FAM120C: variants seen among roughly 807,000 people sequenced by gnomAD.
The protein encoded by FAM120C is family with sequence similarity 120 member C.
A neutral mutation model predicts 71.2 loss-of-function variants in FAM120C; 14 were observed. The ratio of observed to expected loss-of-function variants is 0.20; its 90% CI spans 0.13 to 0.31. The LOEUF is 0.31. Among genes scored for constraint, FAM120C ranks in the 10% least tolerant of loss-of-function variants. The probability of loss-of-function intolerance (pLI) is 1.00; values close to 1 mark genes in which losing one functional copy is unlikely to be tolerated. For missense variants in FAM120C, 500 were observed against 879.0 expected (o/e 0.57, Z 5.45); for synonymous variants, 354 against 353.2 (o/e 1.00, Z -0.03).
At chrX:54,093,568 T>C (rs2066834460) in intron 10 of FAM120C, among the ~76,000 whole-genome samples, 1 of 111,804 alleles carries the variant, frequency 8.9e-6, no homozygotes, top group Non-Finnish European at 1.9e-5. Context: ...TAATAGATGT[T>C]TGCTGAACAA....
intron 4 of FAM120C, chrX:54,147,270 T>C (rs1216936411): frequency 1.8e-5 from 2 of 110,729 alleles, no homozygotes; most frequent in Admixed American, 9.8e-5. Flanking sequence ...TGAGCTAAGA[T>C]AGTGTCACTG....
intron 3 of FAM120C, 103 bp from the exon 4 acceptor site, chrX:54,151,476 C>G: frequency 1.1e-6 from 1 of 889,270 alleles, no homozygotes. Context: ...GGTAAATCCA[C>G]AGAGAGACAG....
intron 10 of FAM120C, among the ~76,000 whole-genome samples, chrX:54,100,224 G>A (rs1359304856): frequency 9.0e-6 from 1 of 111,403 alleles, no homozygotes; most frequent in Non-Finnish European, 1.9e-5. Flanking sequence ...GGGCGCGGTG[G>A]CTCATGCCTG....
At chrX:54,089,853 G>A (rs898229820) in intron 11 of FAM120C, among the ~76,000 whole-genome samples, 8 of 109,800 alleles carry the variant, frequency 7.3e-5, no homozygotes, top group Admixed American at 6.9e-4. Flanking sequence ...CAGCTAGTCG[G>A]GAGGCTGAGA....
At chrX:54,100,391 G>A (rs1047306785) in intron 10 of FAM120C, among the ~76,000 whole-genome samples, 3 of 112,167 alleles carry the variant, frequency 2.7e-5, no homozygotes, top group African/African-American at 9.7e-5. Context: ...TACTCGGGAG[G>A]CTGAGGCAGG....
At chrX:54,174,605 T>C (rs953233538) in intron 1 of FAM120C, among the ~76,000 whole-genome samples, 1 of 112,604 alleles carries the variant, frequency 8.9e-6, no homozygotes, top group East Asian at 2.8e-4. Flanking sequence ...AAGAAGTGTA[T>C]TCATATAATG....
chrX:54,118,983 C>A (rs375668801), intron 9 of FAM120C, among the ~76,000 whole-genome samples: 19 of 21,772 alleles, frequency 8.7e-4, no homozygotes, highest in South Asian at 2.9e-3. Flanking sequence ...TTTGTTCTTG[C>A]GATAGTTTAC....
intron 4 of FAM120C, among the ~76,000 whole-genome samples, chrX:54,150,327 C>T (rs1215983548): frequency 1.8e-5 from 2 of 111,985 alleles, no homozygotes; most frequent in Non-Finnish European, 3.8e-5. Flanking sequence ...ATGTAATATA[C>T]TGAATACTAT....
At chrX:54,174,003 C>T (rs1461708072) in intron 1 of FAM120C, 22 of 473,195 alleles carry the variant, frequency 4.6e-5, no homozygotes, top group African/African-American at 1.2e-4. Context: ...CACTCACGTA[C>T]GTGGCTGTTG....
intron 13 of FAM120C, among the ~76,000 whole-genome samples, chrX:54,082,468 G>A (rs1362755138): frequency 1.8e-5 from 2 of 110,488 alleles, no homozygotes; most frequent in African/African-American, 3.3e-5. Context: ...GAGTGCAATG[G>A]TGCAATCTCG....
At chrX:54,174,119 A>G (rs1557136341) in intron 1 of FAM120C, 2 of 513,810 alleles carry the variant, frequency 3.9e-6, no homozygotes, top group Non-Finnish European at 7.0e-6. Flanking sequence ...GGGCCTCTCC[A>G]TAGGGCAGCT....
At chrX:54,129,616 G>A (rs2067052431) in intron 9 of FAM120C, among the ~76,000 whole-genome samples, 1 of 112,179 alleles carries the variant, frequency 8.9e-6, no homozygotes, top group African/African-American at 3.2e-5. Context: ...CCCAGACGGG[G>A]TGGTGGCCAG....
chrX:54,107,066 G>C (rs782204785), intron 10 of FAM120C, among the ~76,000 whole-genome samples: 1 of 110,458 alleles, frequency 9.1e-6, no homozygotes, highest in South Asian at 3.8e-4. Flanking sequence ...CAAATAAATG[G>C]GAAAATGAGC....
At chrX:54,109,820 A>G (rs1238517487) in intron 10 of FAM120C, among the ~76,000 whole-genome samples, 3 of 105,921 alleles carry the variant, frequency 2.8e-5, no homozygotes, top group Non-Finnish European at 5.8e-5. Flanking sequence ...CCGTCTAAAA[A>G]AAAAAACCAA....
intron 9 of FAM120C, among the ~76,000 whole-genome samples, chrX:54,117,347 T>C (rs942073457): frequency 3.7e-5 from 3 of 80,930 alleles, no homozygotes; most frequent in Non-Finnish European, 6.8e-5. Context: ...AGTGAAATCC[T>C]GTCTCTAAAA....
At chrX:54,089,334 C>A (rs1175311791) in intron 11 of FAM120C, among the ~76,000 whole-genome samples, 3 of 111,425 alleles carry the variant, frequency 2.7e-5, no homozygotes, top group Non-Finnish European at 5.7e-5. Context: ...AAAAAAACCT[C>A]AAAATTCCCA....
Position 54,159,422 on chromosome X carries a change from G to A in FAM120C, c.894C>T (p.Ala298=). The A allele has an allele frequency of 8.3e-7, 1 of 1,211,457 alleles. No homozygotes were observed. The highest frequency in any genetic ancestry group is 1.1e-6 in the Non-Finnish European group (1 of 895,321). ...TCATCCTCTTCAGGCCCAGCTGCTTGGCTACTTCTTGCATCAGGAACTGGT... is the reference window on the plus strand; with the variant it reads ...TCATCCTCTTCAGGCCCAGCTGCTTAGCTACTTCTTGCATCAGGAACTGGT... The part of the protein sequence containing the change: ...TTNQFLMQEV[A]KQLGLKRMNF... Residue 298 remains alanine, a synonymous_variant, in exon 2 of 16, where the codon GCC becomes GCT. Coordinates refer to ENST00000375180, the MANE Select transcript of FAM120C (RefSeq NM_017848.6).
At chrX:54,159,284 G>A in intron 2 of FAM120C, 86 bp downstream of exon 2, 6 of 1,091,749 alleles carry the variant, frequency 5.5e-6, no homozygotes, top group Non-Finnish European at 7.5e-6. Flanking sequence ...ATCTAATGAT[G>A]ACAGGCTAAA....
At chrX:54,139,701 C>G (rs1460931617) in intron 4 of FAM120C, among the ~76,000 whole-genome samples, 1 of 109,979 alleles carries the variant, frequency 9.1e-6, no homozygotes, top group Non-Finnish European at 1.9e-5. Context: ...AGGGTCTCCT[C>G]TGTTGCCCAG....
Sources: allele counts gnomAD v4.1 joint callset (sites outside exome capture counted in the v4.1 genomes callset), GRCh38; gene constraint gnomAD v4.1.1; transcripts MANE v1.5; gene names NCBI Gene and HGNC (gene_info 2026-07-23, HGNC 2026-07-21).